Variants in BTRC observed in about 807,000 individuals in gnomAD.
BTRC encodes the protein F-box/WD repeat-containing protein 1A.
BTRC carries 42 observed loss-of-function variants against 85.5 expected under a neutral mutation model. That is an observed-to-expected ratio of 0.49 (90% CI 0.38 to 0.64). The LOEUF (loss-of-function observed/expected upper bound fraction) is 0.64, where lower values mean the gene tolerates loss of function less well. BTRC is among the 30% of genes least tolerant of loss of function. The pLI, the probability that BTRC is intolerant of heterozygous loss-of-function variation, is 0.00. For missense variants in BTRC, 594 were observed against 743.5 expected (o/e 0.80, Z 2.34); for synonymous variants, 255 against 263.3 (o/e 0.97, Z 0.30).
At chr10:101,533,102 G>T (rs1434529352) in intron 9 of BTRC, 32 bp downstream of exon 9, 3 of 1,449,448 alleles carry the variant, frequency 2.1e-6, no homozygotes, top group South Asian at 2.3e-5. Context: ...TTTGAACTCT[G>T]AAATATCAGC....
intron 4 of BTRC, among the ~76,000 whole-genome samples, chr10:101,502,018 C>T (rs993601864): frequency 1.3e-5 from 2 of 152,026 alleles, no homozygotes; most frequent in Non-Finnish European, 2.9e-5. Context: ...TCTATGAAAC[C>T]CCATTAAAAA....
intron 4 of BTRC, among the ~76,000 whole-genome samples, chr10:101,507,635 A>G (rs967809959): frequency 6.6e-6 from 1 of 152,196 alleles, no homozygotes; most frequent in African/African-American, 2.4e-5. Context: ...TCTTGTAATT[A>G]GTGCTGTCAT....
rs529868678 is a variant in BTRC at position 101,386,815 on chromosome 10, T to A, written c.48+32587T>A. On this transcript the variant is annotated intron_variant, in intron 1 of 14. Transcript: ENST00000370187. ...TGAATTGGTGGGGGGTGTTTTTAAT[T>A]AGTACTTTTGTGATTTGTTTAAGAA... Among the ~76,000 whole-genome samples, 4 of 152,292 alleles carry A rather than the reference T, an allele frequency of 2.6e-5. No homozygotes were observed. In the South Asian group the frequency reaches 6.2e-4, roughly 24 times the overall value.
intron 1 of BTRC, among the ~76,000 whole-genome samples, chr10:101,411,922 C>T (rs1277018713): frequency 1.3e-5 from 2 of 152,130 alleles, no homozygotes; most frequent in African/African-American, 4.8e-5. Flanking sequence ...GCTCTTGTGG[C>T]TGATTTTAAG....
rs71016332 is a variant in BTRC at position 101,547,328 on chromosome 10, C to CTTTTTTTTT, written c.1657-3353_1657-3345dup. 1.9e-4 allele frequency among the ~76,000 whole-genome samples: 15 copies of CTTTTTTTTT among 79,636 alleles called. 1 individual carries two copies. Among genetic ancestry groups the CTTTTTTTTT allele is most frequent in the Non-Finnish European group, 3.4e-4 (14 of 41,054 alleles). 52.2% of individuals were successfully genotyped at this position (79,636 alleles called of 152,430 possible). Reference sequence around the variant, plus strand: ...ATAAATAAGTAAATATATGGTTTTTCTTTTTTTTTTTTTTTTTTTTTTTTT... The same window carrying CTTTTTTTTT: ...ATAAATAAGTAAATATATGGTTTTTCTTTTTTTTTTTTTTTTTTTTTTTTTTTTTTTTTT... On this transcript the variant is annotated intron_variant, in intron 13 of 14. Coordinates refer to ENST00000370187, the MANE Select transcript of BTRC (RefSeq NM_033637.4).
At chr10:101,406,369 G>T (rs1205108306) in intron 1 of BTRC, among the ~76,000 whole-genome samples, 1 of 151,312 alleles carries the variant, frequency 6.6e-6, no homozygotes, top group Non-Finnish European at 1.5e-5. Flanking sequence ...GTAGAGACGG[G>T]GTTTCACCGT....
Position 101,555,941 on chromosome 10 carries a change from C to A in BTRC, c.*2818C>A, listed in dbSNP as rs1031137125. Reference sequence around the variant, plus strand: ...GAGCTACTTGGACAAGACCAGCATGCCTTGCTGCACGTGTGTGTATTTCAC... The same window carrying A: ...GAGCTACTTGGACAAGACCAGCATGACTTGCTGCACGTGTGTGTATTTCAC... On this transcript the variant is annotated 3_prime_UTR_variant, in exon 15 of 15. Transcript: ENST00000370187. The A allele has an allele frequency of 1.3e-5, 2 of 152,234 alleles. No homozygotes were observed. The highest frequency in any genetic ancestry group is 4.8e-5 in the African/African-American group (2 of 41,454). The allele number at this position is 152,234 out of a possible 1,614,324, so 9.4% of individuals were successfully genotyped here. A position where few individuals can be genotyped will look rare whatever the true frequency, so the allele number is the denominator to read the frequency against.
At chr10:101,446,789 T>TA (rs770594353) in intron 2 of BTRC, among the ~76,000 whole-genome samples, 1 of 152,028 alleles carries the variant, frequency 6.6e-6, no homozygotes, top group African/African-American at 2.4e-5. Context: ...AGCAAAACTT[T>TA]AAAAAAAATT....
Sources: gnomAD v4.1 joint callset for allele counts (sites outside exome capture counted in the v4.1 genomes callset) on GRCh38, gnomAD v4.1.1 for gene constraint, MANE v1.5 for transcripts, NCBI Gene and HGNC (gene_info 2026-07-23, HGNC 2026-07-21) for gene names.